Variants in KIRREL3 observed in about 807,000 individuals in gnomAD.
KIRREL3 encodes the protein kirre like nephrin family adhesion molecule 3.
KIRREL3 carries 36 observed loss-of-function variants against 89.7 expected under a neutral mutation model. The observed-to-expected ratio is 0.40, with a 90% CI of 0.31 to 0.53. The LOEUF (loss-of-function observed/expected upper bound fraction) is 0.53. Ranked by LOEUF, KIRREL3 falls within the 20% of genes least tolerant of loss-of-function variation. The pLI is 0.49. For synonymous variants in KIRREL3, 445 were observed against 441.4 expected (o/e 1.01, Z -0.10); for missense variants, 864 against 1,056.6 (o/e 0.82, Z 2.53).
chr11:126,779,192 TG>T (rs1319028971), intron 1 of KIRREL3, among the ~76,000 whole-genome samples: 1 of 152,232 alleles, frequency 6.6e-6, no homozygotes, highest in Non-Finnish European at 1.5e-5. Flanking sequence ...TGTCCATACA[TG>T]GAAGTCTGGA....
Position 126,462,699 on chromosome 11 carries a change from C to A in KIRREL3, c.742+458G>T, listed in dbSNP as rs929496877. On this transcript the variant is annotated intron_variant, in intron 6 of 16. Coordinates refer to ENST00000525144, the MANE Select transcript of KIRREL3 (RefSeq NM_032531.4). The surrounding 1 kb of genome is among the most constrained non-coding windows in gnomAD (Gnocchi z 4.8). ...AAAAAAAAGATTAAATGAGATAATA[C>A]ATGTAGATTTCCTTCTTCTTGTCCC... is the stretch of plus-strand genomic sequence containing the variant. Among the ~76,000 whole-genome samples, 2 of 152,126 alleles carry A rather than the reference C, an allele frequency of 1.3e-5. No individual in the cohort carries two copies. The highest frequency in any genetic ancestry group is 4.8e-5 in the African/African-American group (2 of 41,404).
intron 1 of KIRREL3, among the ~76,000 whole-genome samples, chr11:126,657,470 A>G (rs1945201444): frequency 6.6e-6 from 1 of 152,208 alleles, no homozygotes; most frequent in African/African-American, 2.4e-5. Flanking sequence ...GTGGCAGGGC[A>G]CAGGTCTGAG....
In KIRREL3 at chr11:126,856,858, G is replaced by T. The variant is rs1944536137; in HGVS notation, c.55+143597C>A. 2.0e-5 allele frequency among the ~76,000 whole-genome samples: 3 copies of T among 152,090 alleles called. 1 individual carries two copies. In the South Asian group the frequency reaches 6.2e-4, roughly 32 times the overall value. On this transcript the variant is annotated intron_variant, in intron 1 of 16. Coordinates refer to ENST00000525144, the MANE Select transcript of KIRREL3 (RefSeq NM_032531.4). ...TCCACTCACCTCGGCCTCCCAAAGT[G>T]CTGGGATTACAGGAGTGAGCCACTG...
At chr11:126,886,748 A>G (rs573474974) in intron 1 of KIRREL3, among the ~76,000 whole-genome samples, 107 of 152,218 alleles carry the variant, frequency 7.0e-4, no homozygotes, top group Middle Eastern at 3.4e-3. Context: ...CTGGTCCTTG[A>G]CTGGGGAATG....
rs1379617391 is a variant in KIRREL3 at position 126,463,701 on chromosome 11, C to G, written c.592-394G>C. Among the ~76,000 whole-genome samples, 1 of 152,118 alleles carries G rather than the reference C, an allele frequency of 6.6e-6. No homozygotes were observed. On this transcript the variant is annotated intron_variant, in intron 5 of 16. Coordinates refer to ENST00000525144, the MANE Select transcript of KIRREL3 (RefSeq NM_032531.4). This position sits in a 1 kb window ranked among gnomAD's most constrained non-coding sequence, Gnocchi z 5.9. ...CAGTCTCAGGCTCTGTAGGAAGCAA[C>G]GAGATGGTTTGCAACCAGCAGGGAC...
At chr11:126,880,424 C>T (rs866979924) in intron 1 of KIRREL3, among the ~76,000 whole-genome samples, 1 of 152,126 alleles carries the variant, frequency 6.6e-6, no homozygotes, top group Non-Finnish European at 1.5e-5. Flanking sequence ...TCCAAAATAC[C>T]TCTTTCACTG....
chr11:126,457,417 ATG>A (rs923096925), intron 6 of KIRREL3, among the ~76,000 whole-genome samples: 20 of 147,700 alleles, frequency 1.4e-4, no homozygotes, highest in East Asian at 4.0e-4. Flanking sequence ...GCACGTGTGT[ATG>A]TGTGTCTATG....
At chr11:126,706,732 T>C (rs1947543048) in intron 1 of KIRREL3, among the ~76,000 whole-genome samples, 1 of 152,256 alleles carries the variant, frequency 6.6e-6, no homozygotes, top group Non-Finnish European at 1.5e-5. Flanking sequence ...GTTGTTCATC[T>C]TTTGATATGT....
chr11:126,827,156 A>G (rs1290102041), intron 1 of KIRREL3, among the ~76,000 whole-genome samples: 1 of 150,272 alleles, frequency 6.7e-6, no homozygotes, highest in East Asian at 2.0e-4. Flanking sequence ...TTAAGAATCA[A>G]TATGGAAGTC....
intron 1 of KIRREL3, among the ~76,000 whole-genome samples, chr11:126,888,134 C>G (rs1454717573): frequency 6.6e-6 from 1 of 152,198 alleles, no homozygotes; most frequent in Non-Finnish European, 1.5e-5. Context: ...TATAAACAAA[C>G]ATACAGCACA....
chr11:126,914,194 C>A (rs1946943239), intron 1 of KIRREL3, among the ~76,000 whole-genome samples: 1 of 152,118 alleles, frequency 6.6e-6, no homozygotes, highest in Non-Finnish European at 1.5e-5. Flanking sequence ...GGCCAGGGCC[C>A]TAAAAGGAAA....
rs12224065 is a variant in KIRREL3, at chr11:126,477,818, C to A, written c.434-4352G>T. 0.15 allele frequency among the ~76,000 whole-genome samples: 23,189 copies of A among 151,976 alleles called. 2,133 individuals carry two copies. The highest frequency in any genetic ancestry group is 0.31 in the Admixed American group (4,677 of 15,238). Reference sequence around the variant, plus strand: ...GTCTCTGAGCATGGCTGATCGGTGGCAGCTGGAGGGGTGGGGGACCAGCAG... The same window carrying A: ...GTCTCTGAGCATGGCTGATCGGTGGAAGCTGGAGGGGTGGGGGACCAGCAG... On this transcript the variant is annotated intron_variant, in intron 4 of 16. Transcript: ENST00000525144. The surrounding 1 kb of genome is among the most constrained non-coding windows in gnomAD (Gnocchi z 4.8).
chr11:126,910,261 T>C (rs1946762353), intron 1 of KIRREL3, among the ~76,000 whole-genome samples: 1 of 152,146 alleles, frequency 6.6e-6, no homozygotes, highest in African/African-American at 2.4e-5. Flanking sequence ...CTTTGATGGA[T>C]ACACATACCT....
At chr11:126,711,342 C>T (rs1947746147) in intron 1 of KIRREL3, among the ~76,000 whole-genome samples, 2 of 152,176 alleles carry the variant, frequency 1.3e-5, no homozygotes, top group African/African-American at 4.8e-5. Context: ...AGTGGATCAC[C>T]TGAGGCCAGG....
chr11:126,719,675 A>T lies in KIRREL3; in HGVS notation c.56-156763T>A, dbSNP rs190656376. ...ATGGCAACTTATCCTTCCTTTTGCGACTTCTAAGGCCACAACCTTAGAAGT... is the reference window on the plus strand; with the variant it reads ...ATGGCAACTTATCCTTCCTTTTGCGTCTTCTAAGGCCACAACCTTAGAAGT... On this transcript the variant is annotated intron_variant, in intron 1 of 16. Transcript: ENST00000525144. The surrounding 1 kb of genome is among the most constrained non-coding windows in gnomAD (Gnocchi z 4.7). 6.6e-6 allele frequency among the ~76,000 whole-genome samples: 1 copy of T among 152,220 alleles called. No homozygotes were observed. The highest frequency in any genetic ancestry group is 2.4e-5 in the African/African-American group (1 of 41,524).
intron 1 of KIRREL3, among the ~76,000 whole-genome samples, chr11:126,638,198 T>C (rs1035482960): frequency 6.6e-6 from 1 of 152,246 alleles, no homozygotes. Context: ...ATTTGAGAAT[T>C]TGGAACATTT....
rs534146605 is a variant in KIRREL3 at position 126,877,130 on chromosome 11, G to A, written c.55+123325C>T. ...TGACAGATGTTCCAAATGAGAAAGAGGAGGACAAGCAGACGTTCAGCTCTG... is the reference window on the plus strand; with the variant it reads ...TGACAGATGTTCCAAATGAGAAAGAAGAGGACAAGCAGACGTTCAGCTCTG... On this transcript the variant is annotated intron_variant, in intron 1 of 16. Transcript: ENST00000525144. This position sits in a 1 kb window ranked among gnomAD's most constrained non-coding sequence, Gnocchi z 4.9. Among the ~76,000 whole-genome samples the A allele has an allele frequency of 3.3e-5, 5 of 152,228 alleles. No homozygotes were observed. In the South Asian group the frequency reaches 6.2e-4, roughly 19 times the overall value.
chr11:126,688,757 G>T (rs1946761064), intron 1 of KIRREL3, among the ~76,000 whole-genome samples: 1 of 152,174 alleles, frequency 6.6e-6, no homozygotes, highest in African/African-American at 2.4e-5. Flanking sequence ...TTTTCTGTAA[G>T]AAGGGAAATG....
In KIRREL3 at chr11:126,891,875, C is replaced by G. The variant is rs979612300; in HGVS notation, c.55+108580G>C. On this transcript the variant is annotated intron_variant, in intron 1 of 16. Coordinates refer to ENST00000525144, the MANE Select transcript of KIRREL3 (RefSeq NM_032531.4). The surrounding 1 kb of genome is among the most constrained non-coding windows in gnomAD (Gnocchi z 5.1). Reference sequence around the variant, plus strand: ...AGTGTGGTCCTTGGGACATCTAGCCCAGGGAAAGAAATCTTGCCCAAGAAT... The same window carrying G: ...AGTGTGGTCCTTGGGACATCTAGCCGAGGGAAAGAAATCTTGCCCAAGAAT... Among the ~76,000 whole-genome samples the G allele has an allele frequency of 6.6e-6, 1 of 152,176 alleles. No individual in the cohort carries two copies.
Sources: allele counts gnomAD v4.1 joint callset (sites outside exome capture counted in the v4.1 genomes callset), GRCh38; gene constraint gnomAD v4.1.1; non-coding constraint Gnocchi (gnomAD v3.1); transcripts MANE v1.5; gene names NCBI Gene and HGNC (gene_info 2026-07-23, HGNC 2026-07-21).